CSNK1G2: variants seen among roughly 807,000 people sequenced by gnomAD.
CSNK1G2 encodes casein kinase I isoform gamma-2.
A neutral mutation model predicts 48.0 loss-of-function variants in CSNK1G2; 11 were observed. The observed-to-expected ratio is 0.23, with a 90% CI of 0.14 to 0.38. CSNK1G2 has a LOEUF of 0.38. Ranked by LOEUF, CSNK1G2 falls within the 10% of genes least tolerant of loss-of-function variation. The pLI is 1.00. For synonymous variants in CSNK1G2, 337 were observed against 254.1 expected (o/e 1.33, Z -3.10); for missense variants, 446 against 595.5 (o/e 0.75, Z 2.61).
Position 1,978,237 on chromosome 19 carries a change from G to T in CSNK1G2, c.188-68G>T. On this transcript the variant is annotated intron_variant, in intron 2 of 11. Transcript: ENST00000255641. The surrounding 1 kb of genome is among the most constrained non-coding windows in gnomAD (Gnocchi z 7.3). ...ACCCCCTCCTGCCTCCTGCCTCGGGGGTGGGCTGGGGAGGTCGGGGCTAGG... is the reference window on the plus strand; with the variant it reads ...ACCCCCTCCTGCCTCCTGCCTCGGGTGTGGGCTGGGGAGGTCGGGGCTAGG... 1 of 1,553,472 alleles carries T rather than the reference G, an allele frequency of 6.4e-7. No individual in the cohort carries two copies. The highest frequency in any genetic ancestry group is 8.9e-7 in the Non-Finnish European group (1 of 1,128,036).
chr19:1,945,010 C>T (rs568280727), intron 1 of CSNK1G2, among the ~76,000 whole-genome samples: 39 of 152,374 alleles, frequency 2.6e-4, no homozygotes, highest in Middle Eastern at 3.4e-3. Flanking sequence ...GGACATGCCC[C>T]GGGTGGCCAG....
At chr19:1,975,697 T>C in intron 2 of CSNK1G2, 2 of 982,562 alleles carry the variant, frequency 2.0e-6, no homozygotes, top group Non-Finnish European at 2.4e-6. Flanking sequence ...GGCAGTGTCC[T>C]GAGCTCTAAA....
intron 1 of CSNK1G2, among the ~76,000 whole-genome samples, chr19:1,941,841 C>T (rs909437422): frequency 1.3e-5 from 2 of 150,228 alleles, no homozygotes; most frequent in African/African-American, 4.9e-5. Context: ...TCCGCTGAGC[C>T]TTTAGTCCCC....
chr19:1,964,302 AC>A (rs60043645), intron 1 of CSNK1G2, among the ~76,000 whole-genome samples: 13,591 of 148,656 alleles, frequency 0.091, 915 homozygotes, highest in African/African-American at 0.18. Context: ...TAAAAAAAAA[AC>A]AAAAAAAAAC....
intron 2 of CSNK1G2, among the ~76,000 whole-genome samples, chr19:1,972,172 G>A (rs1423347712): frequency 6.6e-6 from 1 of 152,242 alleles, no homozygotes; most frequent in Non-Finnish European, 1.5e-5. Flanking sequence ...TTTCTCAGGG[G>A]TGCCGGGAGG....
intron 2 of CSNK1G2, among the ~76,000 whole-genome samples, chr19:1,973,345 C>G (rs975108984): frequency 2.3e-4 from 35 of 152,112 alleles, no homozygotes; most frequent in African/African-American, 8.0e-4. Flanking sequence ...CTCAGCCTCC[C>G]AAGTAGATGA....
intron 6 of CSNK1G2, 28 bp from the exon 7 acceptor site, chr19:1,979,135 C>A (rs1023378186): frequency 6.4e-7 from 1 of 1,551,758 alleles, no homozygotes; most frequent in Non-Finnish European, 8.7e-7. Context: ...GCCCGGACCC[C>A]GCTGAGGCTG....
In CSNK1G2 at chr19:1,966,995, C is replaced by T. The variant is rs548869229; in HGVS notation, c.-265-2513C>T. On this transcript the variant is annotated intron_variant, in intron 1 of 11. Transcript: ENST00000255641. ...AAACGATCCTCCCGCCTCAGTCTCCCGAGTAGCTGGGACCACAGGCTTGCA... is the reference window on the plus strand; with the variant it reads ...AAACGATCCTCCCGCCTCAGTCTCCTGAGTAGCTGGGACCACAGGCTTGCA... Among the ~76,000 whole-genome samples the T allele has an allele frequency of 7.9e-5, 12 of 152,202 alleles. No individual in the cohort carries two copies. The South Asian group carries it at 8.3e-4, about 11-fold the overall frequency.
In CSNK1G2 at chr19:1,969,628, C is replaced by A; in HGVS notation, c.-145C>A. The A allele has an allele frequency of 1.5e-6, 1 of 679,166 alleles. No individual in the cohort carries two copies. The highest frequency in any genetic ancestry group is 2.1e-6 in the Non-Finnish European group (1 of 471,782). 42.1% of individuals were successfully genotyped at this position (679,166 alleles called of 1,614,324 possible). On this transcript the variant is annotated 5_prime_UTR_variant, in exon 2 of 12. Transcript: ENST00000255641. ...CTGGCCGGCCCGAACGCCTGCGTCT[C>A]AGTAGCTGGGAGCCACGGGCCCACG...
chr19:1,941,719 A>C (rs560841919), intron 1 of CSNK1G2, among the ~76,000 whole-genome samples: 5 of 130,284 alleles, frequency 3.8e-5, no homozygotes, highest in Non-Finnish European at 4.9e-5. Context: ...TGACCTCCAC[A>C]CTCAGGAGTC....
rs541252222 is a variant in CSNK1G2, at chr19:1,979,475, C to G, written c.854-20C>G. 6 of 1,561,546 alleles carry G rather than the reference C, an allele frequency of 3.8e-6. No homozygotes were observed. In the South Asian group the frequency reaches 5.7e-5, roughly 15 times the overall value. Reference sequence around the variant, plus strand: ...CCCACCCCCACCCCCGCCGAGGCCCCGCTGGCGCTCTCTCTGCAGAGGAGA... The same window carrying G: ...CCCACCCCCACCCCCGCCGAGGCCCGGCTGGCGCTCTCTCTGCAGAGGAGA... On this transcript the variant is annotated intron_variant, in intron 8 of 11. Transcript: ENST00000255641.
intron 2 of CSNK1G2, among the ~76,000 whole-genome samples, chr19:1,977,967 G>A (rs932506610): frequency 5.9e-5 from 9 of 152,088 alleles, no homozygotes; most frequent in African/African-American, 2.2e-4. Flanking sequence ...TGAGAAAGGG[G>A]TGGAGGAGTG....
chr19:1,967,611 G>A (rs1043261350), intron 1 of CSNK1G2, among the ~76,000 whole-genome samples: 10 of 152,078 alleles, frequency 6.6e-5, no homozygotes, highest in Admixed American at 4.6e-4. Flanking sequence ...CGTCCCTGGG[G>A]TTGCACCACC....
At position 1,972,913 on chromosome 19, in the gene CSNK1G2, C is replaced by T. The variant is rs192263905; in HGVS notation, c.187+2954C>T. 1.3e-4 allele frequency among the ~76,000 whole-genome samples: 19 copies of T among 149,776 alleles called. No homozygotes were observed. The East Asian group carries it at 3.1e-3, about 25-fold the overall frequency. On this transcript the variant is annotated intron_variant, in intron 2 of 11. Transcript: ENST00000255641. ...TGCTGGGATTACACATGTGAGTTACCGCGCCTCGCCTGCTTTGTTTTTTTT... is the reference window on the plus strand; with the variant it reads ...TGCTGGGATTACACATGTGAGTTACTGCGCCTCGCCTGCTTTGTTTTTTTT...
At chr19:1,943,292 C>A (rs546773431) in intron 1 of CSNK1G2, among the ~76,000 whole-genome samples, 96 of 152,288 alleles carry the variant, frequency 6.3e-4, no homozygotes, top group African/African-American at 2.2e-3. Context: ...CTGATTTGAA[C>A]CTGTCTAGTT....
chr19:1,971,010 G>A (rs947177509), intron 2 of CSNK1G2, among the ~76,000 whole-genome samples: 5 of 152,246 alleles, frequency 3.3e-5, no homozygotes, highest in Non-Finnish European at 5.9e-5. Flanking sequence ...GGGCGCAGGA[G>A]CATGGGCTGT....
intron 1 of CSNK1G2, among the ~76,000 whole-genome samples, chr19:1,963,369 G>T (rs1446745163): frequency 1.4e-5 from 2 of 146,954 alleles, no homozygotes; most frequent in South Asian, 4.4e-4. Flanking sequence ...CCGCCACCAT[G>T]CCTGGCTAAT....
intron 1 of CSNK1G2, among the ~76,000 whole-genome samples, chr19:1,945,194 C>T (rs542368583): frequency 6.6e-6 from 1 of 152,342 alleles, no homozygotes; most frequent in African/African-American, 2.4e-5. Context: ...GCAAGGTTGC[C>T]AGGGCCCCTC....
At chr19:1,974,348 G>T (rs952981038) in intron 2 of CSNK1G2, among the ~76,000 whole-genome samples, 1 of 152,134 alleles carries the variant, frequency 6.6e-6, no homozygotes, top group South Asian at 2.1e-4. Context: ...GGCTGGATTC[G>T]CCCTTTAGTC....
Sources: allele counts gnomAD v4.1 joint callset (sites outside exome capture counted in the v4.1 genomes callset), GRCh38; gene constraint gnomAD v4.1.1; non-coding constraint Gnocchi (gnomAD v3.1); transcripts MANE v1.5; gene names NCBI Gene and HGNC (gene_info 2026-07-23, HGNC 2026-07-21).